HIVEP3: variants seen among roughly 807,000 people sequenced by gnomAD.
HIVEP3 encodes the protein transcription factor HIVEP3.
Under a neutral mutation model 152.8 loss-of-function variants are expected in HIVEP3, and 49 were observed. That is an observed-to-expected ratio of 0.32 (90% CI 0.26 to 0.41). HIVEP3 has a LOEUF of 0.41. HIVEP3 is among the 10% of genes least tolerant of loss of function. HIVEP3 has a pLI of 1.00. For synonymous variants in HIVEP3, 1,269 were observed against 1,289.0 expected, an observed-to-expected ratio of 0.98 and a Z score of 0.33; for missense variants, 2,790 against 3,103.3, an observed-to-expected ratio of 0.90 and a Z score of 2.40.
rs180861195 is a variant in HIVEP3 at position 41,808,528 on chromosome 1, C to T, written c.-800-107533G>A. 3.9e-5 allele frequency among the ~76,000 whole-genome samples: 6 copies of T among 152,242 alleles called. No individual in the cohort carries two copies. The East Asian group carries it at 1.2e-3, about 29-fold the overall frequency. On this transcript the variant is annotated intron_variant, in intron 1 of 8. Transcript: ENST00000372583. ...ATTTGTTGACTTAATCAGGCAGATG[C>T]AAAAAGGTGTTGTCATGGTGGCAAG...
rs908094101 is a variant in HIVEP3 at position 41,510,628 on chromosome 1, C to T, written c.7044G>A (p.Pro2348=). ...AGCCCACAGAGCTGCTGCGGTCCAG[C>T]GGCGGGGTGGCAGAAGGCTCGGGGT... The part of the protein sequence containing the change: ...PTNPEPSATP[P]LDRSSSVGCL... The change falls in exon 9 of 9, where the codon CCG becomes CCA. Residue 2348 remains proline, a synonymous_variant. Coordinates refer to ENST00000372583, the MANE Select transcript of HIVEP3 (RefSeq NM_024503.5). The T allele has an allele frequency of 2.1e-5, 33 of 1,545,290 alleles. No homozygotes were observed. The highest frequency in any genetic ancestry group is 2.0e-4 in the East Asian group (8 of 40,996).
Position 41,558,584 on chromosome 1 carries a change from G to C in HIVEP3, c.5207+16960C>G, listed in dbSNP as rs147435060. Among the ~76,000 whole-genome samples, 1,453 of 152,302 alleles carry C rather than the reference G, an allele frequency of 9.5e-3. 23 individuals are homozygous for C. Among genetic ancestry groups the C allele is most frequent in the African/African-American group, 0.033 (1,372 of 41,566 alleles). On this transcript the variant is annotated intron_variant, in intron 5 of 8. Transcript: ENST00000372583. ...TGTCAGCCTGCACCCCTCCTGGCCT[G>C]CTCTTGGGGGAACATGGCCCCTGAA... is the stretch of plus-strand genomic sequence containing the variant.
chr1:41,778,822 A>G (rs1226914447), intron 1 of HIVEP3, among the ~76,000 whole-genome samples: 1 of 152,192 alleles, frequency 6.6e-6, no homozygotes, highest in Non-Finnish European at 1.5e-5. Flanking sequence ...GAGATGGAGC[A>G]TGATGAGGGG....
At chr1:41,741,498 G>A (rs1032310322) in intron 1 of HIVEP3, among the ~76,000 whole-genome samples, 8 of 151,936 alleles carry the variant, frequency 5.3e-5, no homozygotes, top group Non-Finnish European at 7.4e-5. Context: ...AGCTGCCCTC[G>A]CAGGGTGCAC....
chr1:41,893,813 T>C (rs901670156), intron 1 of HIVEP3, among the ~76,000 whole-genome samples: 6 of 147,366 alleles, frequency 4.1e-5, no homozygotes, highest in Non-Finnish European at 6.0e-5. Context: ...TATTTATATA[T>C]AATACATTAT....
chr1:41,703,029 G>A (rs149269723), intron 1 of HIVEP3, among the ~76,000 whole-genome samples: 59 of 152,226 alleles, frequency 3.9e-4, no homozygotes, highest in African/African-American at 1.4e-3. Flanking sequence ...GTGAAATCTC[G>A]TTTCCATCTG....
intron 5 of HIVEP3, among the ~76,000 whole-genome samples, chr1:41,536,705 A>T (rs653369): frequency 0.28 from 41,745 of 151,690 alleles, 7,103 homozygotes; most frequent in Non-Finnish European, 0.39. Flanking sequence ...TCAGATTTTT[A>T]AAAAAAAACT....
At chr1:41,708,605 T>C (rs1646468482) in intron 1 of HIVEP3, among the ~76,000 whole-genome samples, 1 of 152,242 alleles carries the variant, frequency 6.6e-6, no homozygotes, top group South Asian at 2.1e-4. Flanking sequence ...CTGAGTCTGC[T>C]TCTTCAGCCT....
At chr1:41,839,243 C>A (rs1483447239) in intron 1 of HIVEP3, among the ~76,000 whole-genome samples, 2 of 152,322 alleles carry the variant, frequency 1.3e-5, no homozygotes, top group African/African-American at 4.8e-5. Flanking sequence ...ACCTCCCCAT[C>A]CAAAGCAGCA....
intron 5 of HIVEP3, among the ~76,000 whole-genome samples, chr1:41,554,634 C>A (rs544830246): frequency 5.1e-4 from 78 of 152,092 alleles, no homozygotes; most frequent in Non-Finnish European, 9.0e-4. Context: ...TTTTATCTAC[C>A]TTTGGTCTTT....
intron 5 of HIVEP3, among the ~76,000 whole-genome samples, chr1:41,554,512 A>T (rs1643935717): frequency 6.6e-6 from 1 of 152,150 alleles, no homozygotes; most frequent in Non-Finnish European, 1.5e-5. Flanking sequence ...GTTATTCTCC[A>T]TCCAGCTTTT....
intron 5 of HIVEP3, among the ~76,000 whole-genome samples, chr1:41,534,124 CCT>C (rs988336337): frequency 6.6e-6 from 1 of 152,166 alleles, no homozygotes; most frequent in African/African-American, 2.4e-5. Flanking sequence ...TGGCCACCAC[CCT>C]CTCTCCTATA....
At chr1:42,027,578 C>A (rs1016878421) in intron 1 of HIVEP3, among the ~76,000 whole-genome samples, 10 of 152,196 alleles carry the variant, frequency 6.6e-5, no homozygotes, top group African/African-American at 1.4e-4. Flanking sequence ...GTTCTTCACA[C>A]AGGTCAAGCA....
chr1:41,981,514 C>T (rs1645293620), intron 1 of HIVEP3, among the ~76,000 whole-genome samples: 1 of 152,100 alleles, frequency 6.6e-6, no homozygotes, highest in South Asian at 2.1e-4. Flanking sequence ...CAAGGCCTGC[C>T]ACGTCTTCCT....
chr1:42,014,988 G>A (rs893896464), intron 1 of HIVEP3, among the ~76,000 whole-genome samples: 2 of 152,138 alleles, frequency 1.3e-5, no homozygotes, highest in Non-Finnish European at 2.9e-5. Context: ...ATCTGTGACT[G>A]TCAGGCCTGT....
chr1:41,752,420 A>C (rs1387194284), intron 1 of HIVEP3, among the ~76,000 whole-genome samples: 1 of 152,168 alleles, frequency 6.6e-6, no homozygotes, highest in African/African-American at 2.4e-5. Context: ...AGAGGGGAAA[A>C]AGACCAGGGA....
chr1:41,731,653 G>A (rs570668420), intron 1 of HIVEP3, among the ~76,000 whole-genome samples: 1 of 152,302 alleles, frequency 6.6e-6, no homozygotes, highest in Admixed American at 6.5e-5. Flanking sequence ...ATGCCCATGT[G>A]GGGAAGAATG....
At chr1:41,866,467 C>T (rs1643976533) in intron 1 of HIVEP3, among the ~76,000 whole-genome samples, 1 of 152,250 alleles carries the variant, frequency 6.6e-6, no homozygotes, top group South Asian at 2.1e-4. Flanking sequence ...ATGCAGTGCA[C>T]TCCACTTTCT....
intron 2 of HIVEP3, among the ~76,000 whole-genome samples, chr1:41,696,003 C>T (rs574236890): frequency 2.0e-5 from 3 of 152,278 alleles, no homozygotes; most frequent in East Asian, 1.9e-4. Context: ...CAAATGACTT[C>T]CCCATCTCAA....
Sources: allele counts gnomAD v4.1 joint callset (sites outside exome capture counted in the v4.1 genomes callset), GRCh38; gene constraint gnomAD v4.1.1; transcripts MANE v1.5; gene names NCBI Gene and HGNC (gene_info 2026-07-23, HGNC 2026-07-21).